The following GPR39 variants were observed in gnomAD, a reference collection of about 807,000 sequenced individuals.
GPR39 encodes G protein-coupled receptor 39, also known as zinc sensing receptor.
Under a neutral mutation model 18.4 loss-of-function variants are expected in GPR39, and 23 were observed. That is an observed-to-expected ratio of 1.25 (90% confidence interval 0.90 to 1.77). The LOEUF is 1.77. Among genes scored for constraint, GPR39 ranks in the 40% most tolerant of loss-of-function variants. The pLI is 0.00. For missense variants in GPR39, 647 were observed against 602.4 expected, an observed-to-expected ratio of 1.07 and a Z score of -0.78; for synonymous variants, 280 against 257.9, an observed-to-expected ratio of 1.09 and a Z score of -0.82.
intron 1 of GPR39, among the ~76,000 whole-genome samples, chr2:132,600,780 T>C (rs1319188828): frequency 6.6e-6 from 1 of 152,042 alleles, no homozygotes; most frequent in Non-Finnish European, 1.5e-5. Flanking sequence ...ACCAAACTTA[T>C]TTTGTTGTTG....
intron 1 of GPR39, among the ~76,000 whole-genome samples, chr2:132,559,645 AAG>A (rs2104802602): frequency 6.6e-6 from 1 of 152,112 alleles, no homozygotes; most frequent in East Asian, 1.9e-4. Flanking sequence ...CACAGTCTTA[AAG>A]AGGAGTCGAA....
In GPR39 at chr2:132,609,774, T is replaced by C. The variant is rs1477662795; in HGVS notation, c.857-35327T>C. On this transcript the variant is annotated intron_variant, in intron 1 of 1. Coordinates refer to ENST00000329321, the MANE Select transcript of GPR39 (RefSeq NM_001508.3). ...CTGACATGTTCAAAACAAATCTGGG[T>C]CCCAGTCTTTCCCGCTCAACCTCAA... 8.7e-4 allele frequency among the ~76,000 whole-genome samples: 133 copies of C among 152,222 alleles called. 2 individuals are homozygous for C. The highest frequency in any genetic ancestry group is 8.5e-3 in the Admixed American group (130 of 15,286).
At chr2:132,530,899 A>T (rs6727320) in intron 1 of GPR39, among the ~76,000 whole-genome samples, 1 of 152,206 alleles carries the variant, frequency 6.6e-6, no homozygotes, top group African/African-American at 2.4e-5. Flanking sequence ...CTGCAAAAAC[A>T]TGCCAAATTG....
At chr2:132,492,109 A>G (rs1681476163) in intron 1 of GPR39, among the ~76,000 whole-genome samples, 1 of 149,744 alleles carries the variant, frequency 6.7e-6, no homozygotes, top group South Asian at 2.1e-4. Context: ...TACATACCAT[A>G]TATATACACA....
intron 1 of GPR39, among the ~76,000 whole-genome samples, chr2:132,484,593 A>G (rs1356153573): frequency 6.6e-6 from 1 of 152,182 alleles, no homozygotes; most frequent in Non-Finnish European, 1.5e-5. Context: ...ATCCCAATCC[A>G]TGTTAAGTTA....
intron 1 of GPR39, among the ~76,000 whole-genome samples, chr2:132,626,113 A>C (rs181071138): frequency 6.6e-6 from 1 of 150,484 alleles, no homozygotes; most frequent in Admixed American, 6.6e-5. Flanking sequence ...AAAAAAAAAC[A>C]AAAAACTAAA....
At chr2:132,485,204 C>T (rs1159047429) in intron 1 of GPR39, among the ~76,000 whole-genome samples, 1 of 152,164 alleles carries the variant, frequency 6.6e-6, no homozygotes, top group East Asian at 1.9e-4. Flanking sequence ...AGCATTGTGT[C>T]TAAAAACACA....
At chr2:132,557,480 G>T (rs879822526) in intron 1 of GPR39, among the ~76,000 whole-genome samples, 4 of 152,266 alleles carry the variant, frequency 2.6e-5, no homozygotes, top group Admixed American at 2.0e-4. Context: ...AGCTTCAGGT[G>T]CCTTAATGCC....
In GPR39 at chr2:132,569,437, G is replaced by A. The variant is rs919495407; in HGVS notation, c.857-75664G>A. ...TGGAGCCCACAAAACCCCTGCTACT[G>A]GTCGTGCAAAGGCTGTGTCTGAGCA... On this transcript the variant is annotated intron_variant, in intron 1 of 1. Transcript: ENST00000329321. Among the ~76,000 whole-genome samples the A allele has an allele frequency of 5.3e-5, 8 of 152,156 alleles. No homozygotes were observed. The East Asian group carries it at 1.2e-3, about 22-fold the overall frequency.
intron 1 of GPR39, among the ~76,000 whole-genome samples, chr2:132,484,175 G>T (rs1412714022): frequency 1.3e-5 from 2 of 152,176 alleles, no homozygotes; most frequent in Non-Finnish European, 2.9e-5. Context: ...CTAGTTACAG[G>T]CATGTGGCTG....
intron 1 of GPR39, among the ~76,000 whole-genome samples, chr2:132,576,002 C>T (rs1234356840): frequency 1.3e-5 from 2 of 152,162 alleles, no homozygotes; most frequent in Non-Finnish European, 2.9e-5. Context: ...CCTCACTAGA[C>T]ACCAAATCTC....
chr2:132,554,621 A>G (rs1283498966), intron 1 of GPR39, among the ~76,000 whole-genome samples: 1 of 152,206 alleles, frequency 6.6e-6, no homozygotes, highest in East Asian at 1.9e-4. Context: ...CATCAGCAAC[A>G]AGCACTTCCT....
intron 1 of GPR39, among the ~76,000 whole-genome samples, chr2:132,499,904 A>G (rs2104802448): frequency 6.6e-6 from 1 of 152,296 alleles, no homozygotes; most frequent in East Asian, 1.9e-4. Context: ...GGTGTACAGC[A>G]GAGCTACTGA....
intron 1 of GPR39, among the ~76,000 whole-genome samples, chr2:132,550,318 C>A (rs752207385): frequency 3.4e-4 from 51 of 152,194 alleles, no homozygotes; most frequent in Non-Finnish European, 5.6e-4. Flanking sequence ...TCAGTCCCCC[C>A]AGGGCTCAGC....
chr2:132,573,118 T>C (rs1052462157), intron 1 of GPR39, among the ~76,000 whole-genome samples: 1 of 151,870 alleles, frequency 6.6e-6, no homozygotes, highest in Non-Finnish European at 1.5e-5. Context: ...ATGCTGAAAC[T>C]CTTGTCCTTA....
intron 1 of GPR39, among the ~76,000 whole-genome samples, chr2:132,531,073 G>C (rs575192719): frequency 1.3e-5 from 2 of 152,170 alleles, no homozygotes; most frequent in Admixed American, 1.3e-4. Context: ...TGGATAAAGA[G>C]TCAAGACCCA....
chr2:132,619,466 C>T (rs1681396622), intron 1 of GPR39, among the ~76,000 whole-genome samples: 1 of 152,162 alleles, frequency 6.6e-6, no homozygotes, highest in Admixed American at 6.5e-5. Context: ...GTGACAGTCC[C>T]ACTTTGTAGA....
In GPR39 at chr2:132,645,328, C is replaced by T. The variant is rs373375266; in HGVS notation, c.1084C>T (p.Arg362Cys). The T allele has an allele frequency of 5.3e-5, 86 of 1,614,206 alleles. No individual in the cohort carries two copies. Among genetic ancestry groups the T allele is most frequent in the Middle Eastern group, 1.6e-4 (1 of 6,062 alleles). ...GGTGTTCGTGCAGGTGCTGTGCTGC[C>T]GCCTGTCGCTGCAGCACGCCAACCA... ...RRVFVQVLCC[R>C]LSLQHANHEK... Residue 362 changes from arginine to cysteine, a missense_variant, in exon 2 of 2, where the codon CGC becomes TGC. By Grantham distance (180) the Arg-to-Cys change is radical. Coordinates refer to ENST00000329321, the MANE Select transcript of GPR39 (RefSeq NM_001508.3).
intron 1 of GPR39, among the ~76,000 whole-genome samples, chr2:132,584,988 C>T (rs1056424000): frequency 6.6e-6 from 1 of 152,212 alleles, no homozygotes; most frequent in East Asian, 1.9e-4. Context: ...CTCTCCTGCC[C>T]CCCACCATCA....
Sources: allele counts gnomAD v4.1 joint callset (sites outside exome capture counted in the v4.1 genomes callset), GRCh38; gene constraint gnomAD v4.1.1; transcripts MANE v1.5; gene names NCBI Gene and HGNC (gene_info 2026-07-23, HGNC 2026-07-21).